NRG3: variants seen among roughly 807,000 people sequenced by gnomAD.
NRG3 encodes the protein neuregulin 3.
Under a neutral mutation model 66.9 loss-of-function variants are expected in NRG3, and 31 were observed. The observed-to-expected ratio is 0.46, with a 90% CI of 0.35 to 0.63. NRG3 has a LOEUF of 0.63. Among genes scored for constraint, NRG3 ranks in the 20% least tolerant of loss-of-function variants. The probability of loss-of-function intolerance (pLI) is 0.00; values close to 1 mark genes in which losing one functional copy is unlikely to be tolerated. For missense variants in NRG3, 910 were observed against 878.9 expected (o/e 1.04, Z -0.45); for synonymous variants, 393 against 359.4 (o/e 1.09, Z -1.06).
chr10:81,906,108 A>C (rs1318244993), intron 1 of NRG3, among the ~76,000 whole-genome samples: 2 of 152,176 alleles, frequency 1.3e-5, no homozygotes, highest in East Asian at 3.9e-4. Flanking sequence ...TTTTGTAAGA[A>C]TTTAATGGCT....
intron 2 of NRG3, among the ~76,000 whole-genome samples, chr10:82,528,386 G>T (rs1451996100): frequency 6.6e-6 from 1 of 152,138 alleles, no homozygotes; most frequent in African/African-American, 2.4e-5. Flanking sequence ...TCATTAAAGT[G>T]ATTTGCAAAT....
At chr10:81,939,440 A>G (rs1405926992) in intron 1 of NRG3, among the ~76,000 whole-genome samples, 4 of 151,982 alleles carry the variant, frequency 2.6e-5, no homozygotes, top group East Asian at 1.9e-4. Flanking sequence ...TACTCATTCA[A>G]TAATCTTACT....
chr10:82,724,893 T>C (rs544916085), intron 2 of NRG3, among the ~76,000 whole-genome samples: 2 of 152,192 alleles, frequency 1.3e-5, no homozygotes, highest in South Asian at 2.1e-4. Flanking sequence ...TTCTTCCTGA[T>C]CAAGGTACGT....
intron 1 of NRG3, among the ~76,000 whole-genome samples, chr10:82,215,963 C>CTT (rs71894841): frequency 0.077 from 6,852 of 88,680 alleles, 408 homozygotes; most frequent in East Asian, 0.13. Flanking sequence ...TTATGTTTTC[C>CTT]TTTTTTTTTT....
chr10:82,426,698 A>G (rs549524743), intron 2 of NRG3, among the ~76,000 whole-genome samples: 1 of 150,952 alleles, frequency 6.6e-6, no homozygotes, highest in African/African-American at 2.4e-5. Context: ...AGTGGATGTG[A>G]TCTTGGCCCA....
At chr10:82,181,522 G>A (rs544255383) in intron 1 of NRG3, among the ~76,000 whole-genome samples, 2 of 151,766 alleles carry the variant, frequency 1.3e-5, no homozygotes, top group African/African-American at 4.8e-5. Flanking sequence ...TAATTCAGTG[G>A]TTGTTCCAGA....
chr10:82,683,444 TG>T (rs976572021), intron 2 of NRG3, among the ~76,000 whole-genome samples: 1 of 152,182 alleles, frequency 6.6e-6, no homozygotes, highest in African/African-American at 2.4e-5. Flanking sequence ...ACTTGCCTAC[TG>T]TAACACCTAA....
chr10:82,785,059 A>G (rs938183745), intron 3 of NRG3, among the ~76,000 whole-genome samples: 1 of 152,172 alleles, frequency 6.6e-6, no homozygotes, highest in Non-Finnish European at 1.5e-5. Context: ...TTGTAGAGAC[A>G]TGGATGAAAT....
At chr10:82,126,124 T>C (rs2068436029) in intron 1 of NRG3, among the ~76,000 whole-genome samples, 1 of 152,060 alleles carries the variant, frequency 6.6e-6, no homozygotes, top group African/African-American at 2.4e-5. Context: ...CAGCCAGATC[T>C]TAATACTTTT....
intron 4 of NRG3, among the ~76,000 whole-genome samples, chr10:82,889,545 A>C (rs569892047): frequency 1.3e-5 from 2 of 152,238 alleles, no homozygotes; most frequent in Non-Finnish European, 2.9e-5. Context: ...CTCAGTTTAC[A>C]TAGATAGATC....
intron 1 of NRG3, among the ~76,000 whole-genome samples, chr10:82,109,535 TTGTGTG>T (rs747213240): frequency 0.053 from 7,298 of 138,714 alleles, 205 homozygotes; most frequent in African/African-American, 0.072. Flanking sequence ...AAGAATAAGA[TTGTGTG>T]TGTGTGTGTG....
chr10:82,454,079 C>T (rs997126613), intron 2 of NRG3, among the ~76,000 whole-genome samples: 2 of 152,180 alleles, frequency 1.3e-5, no homozygotes, highest in Non-Finnish European at 2.9e-5. Flanking sequence ...CAGTAAATCA[C>T]AGCAGTTATT....
chr10:82,638,014 GA>G (rs1469336143), intron 2 of NRG3, among the ~76,000 whole-genome samples: 2 of 152,098 alleles, frequency 1.3e-5, no homozygotes, highest in Non-Finnish European at 2.9e-5. Context: ...AAATTTGCAG[GA>G]AAAAACATTC....
intron 1 of NRG3, among the ~76,000 whole-genome samples, chr10:81,926,998 T>A (rs1846867795): frequency 6.6e-6 from 1 of 152,176 alleles, no homozygotes; most frequent in Non-Finnish European, 1.5e-5. Flanking sequence ...GCGACAGTAT[T>A]GTAATGTAAT....
At position 82,331,324 on chromosome 10, in the gene NRG3, C is replaced by T. The variant is rs1355039110; in HGVS notation, c.824-27415C>T. ...AAAAGGGACCATTTCCATGCAAGTG[C>T]TATTTTTACCAGTCTCAGAATTGTG... On this transcript the variant is annotated intron_variant, in intron 1 of 8. Transcript: ENST00000372141. 6.6e-5 allele frequency among the ~76,000 whole-genome samples: 10 copies of T among 152,176 alleles called. 1 individual carries two copies. Among genetic ancestry groups the T allele is most frequent in the Admixed American group, 6.5e-4 (10 of 15,286 alleles).
Position 82,181,231 on chromosome 10 carries a change from A to G in NRG3, c.824-177508A>G, listed in dbSNP as rs184218631. ...TTAGTTTTGGTTTTTTATTGTTTCT[A>G]TTCTCTATTTTATTTATTTTTGTTC... On this transcript the variant is annotated intron_variant, in intron 1 of 8. Coordinates refer to ENST00000372141, the MANE Select transcript of NRG3 (RefSeq NM_001010848.4). 7.4e-4 allele frequency among the ~76,000 whole-genome samples: 111 copies of G among 150,946 alleles called. 1 individual carries two copies. The highest frequency in any genetic ancestry group is 6.3e-3 in the Admixed American group (96 of 15,136).
At chr10:82,824,023 G>C (rs1048055327) in intron 3 of NRG3, among the ~76,000 whole-genome samples, 1 of 152,086 alleles carries the variant, frequency 6.6e-6, no homozygotes, top group Non-Finnish European at 1.5e-5. Context: ...CTCATTAGTA[G>C]TTGCCCCTCA....
chr10:82,508,633 G>A (rs1053529807), intron 2 of NRG3, among the ~76,000 whole-genome samples: 8 of 152,274 alleles, frequency 5.3e-5, no homozygotes, highest in African/African-American at 1.9e-4. Flanking sequence ...TGCATTTAGT[G>A]TTGTTTGCCA....
At chr10:82,721,639 T>A (rs2057329445) in intron 2 of NRG3, among the ~76,000 whole-genome samples, 1 of 151,784 alleles carries the variant, frequency 6.6e-6, no homozygotes, top group Admixed American at 6.6e-5. Flanking sequence ...GTCAGGCTCG[T>A]CTGGAACTCC....
Sources: allele counts gnomAD v4.1 joint callset (sites outside exome capture counted in the v4.1 genomes callset), GRCh38; gene constraint gnomAD v4.1.1; transcripts MANE v1.5; gene names NCBI Gene and HGNC (gene_info 2026-07-23, HGNC 2026-07-21).